GSTCD: variants seen among roughly 807,000 people sequenced by gnomAD.
GSTCD encodes the protein glutathione S-transferase C-terminal domain-containing protein.
GSTCD carries 44 observed loss-of-function variants against 68.3 expected under a neutral mutation model. That is an observed-to-expected ratio of 0.64 (90% CI 0.51 to 0.83). The LOEUF is 0.83. GSTCD is among the 40% of genes least tolerant of loss of function. The probability of loss-of-function intolerance (pLI) is 0.00; values close to 1 mark genes in which losing one functional copy is unlikely to be tolerated. For missense variants in GSTCD, 739 were observed against 735.9 expected (o/e 1.00, Z -0.05); for synonymous variants, 273 against 255.2 (o/e 1.07, Z -0.67).
At chr4:105,709,380 C>T (rs1254718699) in intron 1 of GSTCD, among the ~76,000 whole-genome samples, 2 of 152,160 alleles carry the variant, frequency 1.3e-5, no homozygotes, top group Non-Finnish European at 1.5e-5. Context: ...TCTTGGGTCA[C>T]ACTAACTTCT....
At chr4:105,750,156 C>A (rs1334227465) in intron 5 of GSTCD, among the ~76,000 whole-genome samples, 1 of 152,054 alleles carries the variant, frequency 6.6e-6, no homozygotes, top group Non-Finnish European at 1.5e-5. Context: ...ATCGGAATGT[C>A]TCGAATTGAA....
At chr4:105,812,945 A>G (rs1413435162) in intron 5 of GSTCD, among the ~76,000 whole-genome samples, 2 of 152,294 alleles carry the variant, frequency 1.3e-5, no homozygotes, top group Middle Eastern at 3.4e-3. Flanking sequence ...CTTTACTACT[A>G]TTTAACAGAG....
chr4:105,808,216 C>T (rs960102936), intron 5 of GSTCD, among the ~76,000 whole-genome samples: 1 of 152,076 alleles, frequency 6.6e-6, no homozygotes, highest in African/African-American at 2.4e-5. Flanking sequence ...TTATCAGTCT[C>T]CTTATCAGCT....
chr4:105,845,393 T>C (rs1158633160), intron 11 of GSTCD, 48 bp from the exon 12 acceptor site: 2 of 1,610,770 alleles, frequency 1.2e-6, no homozygotes, highest in Non-Finnish European at 1.7e-6. Context: ...ACTGAAACTG[T>C]CCTGCTAGTG....
rs562615302 is a variant in GSTCD, at chr4:105,747,619, A to G, written c.1240+18120A>G. 5.3e-5 allele frequency among the ~76,000 whole-genome samples: 8 copies of G among 152,358 alleles called. No homozygotes were observed. In the South Asian group the frequency reaches 1.7e-3, roughly 32 times the overall value. The stretch of plus-strand genomic sequence containing the variant: ...TTCTGTTTTTAGCAAAGAGTAAGTC[A>G]TATATAAGAGCTTGTGCATATCTCT... On this transcript the variant is annotated intron_variant, in intron 5 of 11. Coordinates refer to ENST00000515279, the MANE Select transcript of GSTCD (RefSeq NM_001370181.1).
At chr4:105,729,831 T>C (rs1319414241) in intron 5 of GSTCD, among the ~76,000 whole-genome samples, 4 of 152,184 alleles carry the variant, frequency 2.6e-5, no homozygotes, top group Non-Finnish European at 4.4e-5. Context: ...GCCATGTTGG[T>C]GTGCTGCACC....
At chr4:105,724,009 A>T (rs2149208476) in intron 3 of GSTCD, among the ~76,000 whole-genome samples, 1 of 151,986 alleles carries the variant, frequency 6.6e-6, no homozygotes, top group East Asian at 1.9e-4. Flanking sequence ...TGCTCATTTA[A>T]TCTTAAAGTC....
At chr4:105,814,300 G>A (rs1409294775) in intron 5 of GSTCD, among the ~76,000 whole-genome samples, 2 of 152,228 alleles carry the variant, frequency 1.3e-5, no homozygotes, top group East Asian at 1.9e-4. Flanking sequence ...CCTAAACCCT[G>A]CTGGCTGGAG....
intron 5 of GSTCD, among the ~76,000 whole-genome samples, chr4:105,750,488 A>G (rs1733975958): frequency 6.6e-6 from 1 of 151,896 alleles, no homozygotes; most frequent in South Asian, 2.1e-4. Flanking sequence ...AAGAAAAGTA[A>G]CAACACTGAA....
intron 5 of GSTCD, among the ~76,000 whole-genome samples, chr4:105,770,374 T>C (rs1485660896): frequency 6.6e-6 from 1 of 151,456 alleles, no homozygotes; most frequent in Non-Finnish European, 1.5e-5. Context: ...TTTTTTTCCT[T>C]TTTTTTTTAT....
intron 8 of GSTCD, among the ~76,000 whole-genome samples, chr4:105,832,127 G>A (rs756842690): frequency 2.2e-4 from 33 of 152,024 alleles, no homozygotes; most frequent in Non-Finnish European, 3.8e-4. Context: ...TGTGATGAGA[G>A]GAAAAGATCT....
intron 5 of GSTCD, among the ~76,000 whole-genome samples, chr4:105,819,630 T>C (rs1020754770): frequency 4.0e-5 from 6 of 151,812 alleles, no homozygotes; most frequent in African/African-American, 7.2e-5. Flanking sequence ...TTCATCAGCT[T>C]GTCTTTCTTA....
intron 4 of GSTCD, 86 bp from the exon 5 acceptor site, chr4:105,729,320 T>C (rs781201711): frequency 2.0e-4 from 133 of 668,662 alleles, no homozygotes; most frequent in Non-Finnish European, 3.2e-4. Context: ...TCCTTACCAA[T>C]ATACAAATAT....
intron 5 of GSTCD, among the ~76,000 whole-genome samples, chr4:105,812,346 A>G (rs970678870): frequency 6.6e-6 from 1 of 151,968 alleles, no homozygotes; most frequent in Non-Finnish European, 1.5e-5. Flanking sequence ...CTTACACACT[A>G]TAGTTTTTTA....
intron 5 of GSTCD, among the ~76,000 whole-genome samples, chr4:105,811,892 T>A (rs569443262): frequency 6.6e-6 from 1 of 152,110 alleles, no homozygotes; most frequent in East Asian, 1.9e-4. Flanking sequence ...GGATGATGAG[T>A]GGATGATGAT....
intron 8 of GSTCD, among the ~76,000 whole-genome samples, chr4:105,828,506 C>T (rs1412685984): frequency 2.0e-5 from 3 of 152,046 alleles, no homozygotes; most frequent in Non-Finnish European, 4.4e-5. Context: ...ATTTCAACCC[C>T]GCTTCTCCCC....
At chr4:105,782,251 A>G (rs970052505) in intron 5 of GSTCD, among the ~76,000 whole-genome samples, 1 of 152,176 alleles carries the variant, frequency 6.6e-6, no homozygotes, top group African/African-American at 2.4e-5. Flanking sequence ...TAATCCCAGC[A>G]CTTTGGAAGG....
At chr4:105,794,839 T>TATTTATC (rs1735814275) in intron 5 of GSTCD, among the ~76,000 whole-genome samples, 46 of 114,578 alleles carry the variant, frequency 4.0e-4, no homozygotes, top group South Asian at 7.8e-4. Flanking sequence ...ATCTATCTAT[T>TATTTATC]TATCTATCTA....
chr4:105,745,276 A>G (rs1257516023), intron 5 of GSTCD, among the ~76,000 whole-genome samples: 1 of 152,222 alleles, frequency 6.6e-6, no homozygotes, highest in African/African-American at 2.4e-5. Flanking sequence ...GTGAGGATGT[A>G]TAGTCAAAGT....
Sources: gnomAD v4.1 joint callset for allele counts (sites outside exome capture counted in the v4.1 genomes callset) on GRCh38, gnomAD v4.1.1 for gene constraint, MANE v1.5 for transcripts, NCBI Gene and HGNC (gene_info 2026-07-23, HGNC 2026-07-21) for gene names.